PRKG1: variants seen among roughly 807,000 people sequenced by gnomAD.
PRKG1 encodes protein kinase cGMP-dependent 1.
PRKG1 carries 35 observed loss-of-function variants against 88.1 expected under a neutral mutation model. The observed-to-expected ratio is 0.40, with a 90% CI of 0.30 to 0.53. PRKG1 has a LOEUF of 0.53. Among genes scored for constraint, PRKG1 ranks in the 20% least tolerant of loss-of-function variants. The pLI, the probability that PRKG1 is intolerant of heterozygous loss-of-function variation, is 0.59. For synonymous variants in PRKG1, 303 were observed against 292.5 expected (o/e 1.04, Z -0.37); for missense variants, 540 against 839.8 (o/e 0.64, Z 4.41).
At chr10:51,814,870 C>T (rs543011492) in intron 4 of PRKG1, among the ~76,000 whole-genome samples, 1 of 152,258 alleles carries the variant, frequency 6.6e-6, no homozygotes, top group South Asian at 2.1e-4. Flanking sequence ...TTGTTACTTT[C>T]ACCTCCATAC....
chr10:51,871,249 C>G (rs1230464034), intron 4 of PRKG1, among the ~76,000 whole-genome samples: 1 of 152,122 alleles, frequency 6.6e-6, no homozygotes, highest in Non-Finnish European at 1.5e-5. Context: ...TGGTAGTAAC[C>G]ATGAGTTTAA....
chr10:51,426,881 G>A (rs1467259485), intron 2 of PRKG1, among the ~76,000 whole-genome samples: 4 of 152,138 alleles, frequency 2.6e-5, no homozygotes, highest in Admixed American at 2.6e-4. Context: ...GGGCAAGCAG[G>A]TGGTCTGCCA....
chr10:51,090,967 C>T (rs1318046917), intron 1 of PRKG1, among the ~76,000 whole-genome samples: 1 of 152,184 alleles, frequency 6.6e-6, no homozygotes, highest in Non-Finnish European at 1.5e-5. Context: ...AGAACATAAT[C>T]TTAGCTTATA....
chr10:52,256,380 T>C (rs1841308555), intron 10 of PRKG1, among the ~76,000 whole-genome samples: 1 of 139,248 alleles, frequency 7.2e-6, no homozygotes, highest in South Asian at 2.3e-4. Flanking sequence ...AATCCGACAG[T>C]GTAACATGGT....
chr10:51,466,300 A>G (rs1839903123), intron 2 of PRKG1, among the ~76,000 whole-genome samples: 1 of 152,120 alleles, frequency 6.6e-6, no homozygotes, highest in African/African-American at 2.4e-5. Flanking sequence ...ACCATGAGAA[A>G]GCTAGAATAT....
At chr10:51,629,035 TAGTGGTTAACA>T (rs1184725423) in intron 3 of PRKG1, among the ~76,000 whole-genome samples, 1 of 152,116 alleles carries the variant, frequency 6.6e-6, no homozygotes, top group East Asian at 1.9e-4. Context: ...AGAATCAATT[TAGTGGTTAACA>T]ACTAGCACTT....
chr10:52,126,664 T>G (rs1223899426), intron 7 of PRKG1, among the ~76,000 whole-genome samples: 2 of 152,098 alleles, frequency 1.3e-5, no homozygotes, highest in East Asian at 1.9e-4. Context: ...ATATTTCTTA[T>G]GTGTAAAAAT....
intron 9 of PRKG1, among the ~76,000 whole-genome samples, chr10:52,224,592 C>A (rs1228785272): frequency 2.4e-5 from 2 of 84,714 alleles, no homozygotes; most frequent in African/African-American, 3.9e-5. Context: ...TATCCTTCGC[C>A]CCACCTCCGA....
intron 2 of PRKG1, among the ~76,000 whole-genome samples, chr10:51,361,654 A>G (rs142455084): frequency 5.7e-4 from 86 of 151,906 alleles, no homozygotes; most frequent in African/African-American, 2.1e-3. Flanking sequence ...CATGATAATG[A>G]TCATACAGTT....
intron 5 of PRKG1, among the ~76,000 whole-genome samples, chr10:51,943,667 C>G (rs1309263286): frequency 6.6e-6 from 1 of 151,962 alleles, no homozygotes; most frequent in African/African-American, 2.4e-5. Flanking sequence ...GCATGAAGGG[C>G]TGTTGAACTT....
intron 2 of PRKG1, among the ~76,000 whole-genome samples, chr10:51,223,025 G>A (rs1018333688): frequency 3.3e-5 from 5 of 151,490 alleles, no homozygotes; most frequent in African/African-American, 1.2e-4. Context: ...GGGGGGTGGT[G>A]CGGGGGAGGG....
At chr10:51,049,181 T>C (rs1163553089) in intron 1 of PRKG1, among the ~76,000 whole-genome samples, 1 of 152,146 alleles carries the variant, frequency 6.6e-6, no homozygotes, top group African/African-American at 2.4e-5. Flanking sequence ...CCAAATAGAA[T>C]CCTGTGGCTG....
chr10:51,044,322 G>A (rs545011500), intron 1 of PRKG1, among the ~76,000 whole-genome samples: 1 of 152,166 alleles, frequency 6.6e-6, no homozygotes, highest in African/African-American at 2.4e-5. Context: ...TTGCTTTCAC[G>A]GAAGAGTTTT....
In PRKG1 at chr10:51,252,493, G is replaced by A. The variant is rs147664133; in HGVS notation, c.478+99163G>A. On this transcript the variant is annotated intron_variant, in intron 2 of 17. Coordinates refer to ENST00000373980, the MANE Select transcript of PRKG1 (RefSeq NM_006258.4). ...AGATAAACTCTATTTCATTTGAGCAGAGACTTCTTACTTTATTGCACTGAT... is the reference window on the plus strand; with the variant it reads ...AGATAAACTCTATTTCATTTGAGCAAAGACTTCTTACTTTATTGCACTGAT... Among the ~76,000 whole-genome samples, 10 of 151,576 alleles carry A rather than the reference G, an allele frequency of 6.6e-5. 1 individual carries two copies. The highest frequency in any genetic ancestry group is 2.4e-4 in the African/African-American group (10 of 41,474).
intron 2 of PRKG1, among the ~76,000 whole-genome samples, chr10:51,246,147 C>T (rs560391359): frequency 3.4e-4 from 52 of 152,126 alleles, no homozygotes; most frequent in African/African-American, 1.1e-3. Context: ...CTTGCTGCTC[C>T]GCAAGATGGA....
Position 51,194,710 on chromosome 10 carries a change from T to C in PRKG1, c.478+41380T>C, listed in dbSNP as rs116498980. On this transcript the variant is annotated intron_variant, in intron 2 of 17. Transcript: ENST00000373980. ...CTATAACAGAATACTACAGACTTGG[T>C]AATTTATAATAAACATAAATTTATT... is the stretch of plus-strand genomic sequence containing the variant. 5.5e-3 allele frequency among the ~76,000 whole-genome samples: 833 copies of C among 152,270 alleles called. 8 individuals carry two copies. The highest frequency in any genetic ancestry group is 0.019 in the African/African-American group (788 of 41,572).
chr10:51,417,665 A>T (rs944554585), intron 2 of PRKG1, among the ~76,000 whole-genome samples: 1 of 152,162 alleles, frequency 6.6e-6, no homozygotes, highest in African/African-American at 2.4e-5. Flanking sequence ...TGGGATGGAT[A>T]TACTTCTTAG....
At chr10:52,018,160 T>A (rs1845091615) in intron 5 of PRKG1, among the ~76,000 whole-genome samples, 1 of 152,124 alleles carries the variant, frequency 6.6e-6, no homozygotes, top group Admixed American at 6.6e-5. Flanking sequence ...AAATCATGAG[T>A]TCCAGAAACC....
chr10:51,652,422 G>A (rs1280801081), intron 3 of PRKG1, among the ~76,000 whole-genome samples: 1 of 151,874 alleles, frequency 6.6e-6, no homozygotes, highest in Non-Finnish European at 1.5e-5. Flanking sequence ...CAAACTGCTG[G>A]CTAAACAAGT....
Sources: gnomAD v4.1 joint callset for allele counts (sites outside exome capture counted in the v4.1 genomes callset) on GRCh38, gnomAD v4.1.1 for gene constraint, MANE v1.5 for transcripts, NCBI Gene and HGNC (gene_info 2026-07-23, HGNC 2026-07-21) for gene names.